The following NUMBL variants were observed in gnomAD, a reference collection of about 807,000 sequenced individuals.
NUMBL encodes the protein NUMB like endocytic adaptor protein.
Under a neutral mutation model 48.9 loss-of-function variants are expected in NUMBL, and 20 were observed. The observed-to-expected ratio is 0.41, with a 90% confidence interval of 0.29 to 0.59. NUMBL has a LOEUF of 0.59. NUMBL is among the 20% of genes least tolerant of loss of function. The probability of loss-of-function intolerance (pLI) is 0.31; values close to 1 mark genes in which losing one functional copy is unlikely to be tolerated. For missense variants in NUMBL, 660 were observed against 846.2 expected (o/e 0.78, Z 2.73); for synonymous variants, 340 against 348.7 (o/e 0.98, Z 0.28).
intron 2 of NUMBL, among the ~76,000 whole-genome samples, chr19:40,686,328 A>G (rs530135438): frequency 2.0e-4 from 30 of 151,766 alleles, no homozygotes; most frequent in Non-Finnish European, 4.0e-4. Flanking sequence ...CTAATTTTGT[A>G]TTTTTAGTAC....
chr19:40,668,372 G>A (rs191931634), intron 9 of NUMBL, among the ~76,000 whole-genome samples: 12 of 152,284 alleles, frequency 7.9e-5, no homozygotes, highest in African/African-American at 2.6e-4. Flanking sequence ...GAGCTTCTAA[G>A]GCCCTATGAT....
Position 40,677,001 on chromosome 19 carries a change from ACGAGGTTTTAC to A in NUMBL, c.730+220_730+230del, listed in dbSNP as rs1341211822. The stretch of plus-strand genomic sequence containing the variant: ...AGTTAATTTTTGTATTTTAGTAGAG[ACGAGGTTTTAC>A]CATGTCGCGCAGGCTGGTCTCAAAC... On this transcript the variant is annotated intron_variant, in intron 7 of 9. Coordinates refer to ENST00000252891, the MANE Select transcript of NUMBL (RefSeq NM_004756.5). Among the ~76,000 whole-genome samples, 3 of 152,162 alleles carry A rather than the reference ACGAGGTTTTAC, an allele frequency of 2.0e-5. No homozygotes were observed. The East Asian group carries it at 5.9e-4, about 30-fold the overall frequency.
intron 9 of NUMBL, among the ~76,000 whole-genome samples, 192 bp from the exon 10 acceptor site, chr19:40,668,330 A>T (rs1028631622): frequency 6.6e-6 from 1 of 152,116 alleles, no homozygotes; most frequent in Non-Finnish European, 1.5e-5. Flanking sequence ...GGACCACGTA[A>T]TGGTTCTGGA....
intron 1 of NUMBL, among the ~76,000 whole-genome samples, chr19:40,689,376 T>C (rs1253212368): frequency 6.6e-6 from 1 of 151,518 alleles, no homozygotes; most frequent in Non-Finnish European, 1.5e-5. Flanking sequence ...GTCACACAGA[T>C]ACTAGGGTCA....
At chr19:40,668,966 G>C (rs1209582093) in intron 9 of NUMBL, among the ~76,000 whole-genome samples, 1 of 152,164 alleles carries the variant, frequency 6.6e-6, no homozygotes, top group Non-Finnish European at 1.5e-5. Context: ...TGCACCTGTG[G>C]TTCTAGGATA....
Position 40,670,004 on chromosome 19 carries a change from A to C in NUMBL, c.1053T>G (p.Pro351=). The C allele has an allele frequency of 2.5e-6, 4 of 1,613,846 alleles. No individual in the cohort carries two copies. The South Asian group carries it at 4.4e-5, about 18-fold the overall frequency. Residue 351 remains proline (P), a synonymous_variant, in exon 9 of 10, where the codon CCT becomes CCG. Coordinates refer to ENST00000252891, the MANE Select transcript of NUMBL (RefSeq NM_004756.5). The part of the protein sequence containing the change: ...QVKGTVPEME[P]PGAGDSDSIN... ...TGCTGTCACTGTCGCCGGCACCAGG[A>C]GGCTCCATCTCAGGCACTGGGAAGC...
chr19:40,671,335 AC>A (rs143366069), intron 8 of NUMBL, among the ~76,000 whole-genome samples: 1,820 of 151,674 alleles, frequency 0.012, 34 homozygotes, highest in African/African-American at 0.041. Flanking sequence ...AGTATACCTG[AC>A]TGTGAGTTTG....
rs1440242882 is a variant in NUMBL, at chr19:40,673,803, AC to A, written c.731-155del. On this transcript the variant is annotated intron_variant, in intron 7 of 9. Transcript: ENST00000252891. This position sits in a 1 kb window ranked among gnomAD's most constrained non-coding sequence, Gnocchi z 5.9. ...TAGTCAAAGCCCTGAGATATCCCTC[AC>A]CCCCACCCAAGTCATGATCCCCTTC... 2.0e-5 allele frequency among the ~76,000 whole-genome samples: 3 copies of A among 151,440 alleles called. No homozygotes were observed. The highest frequency in any genetic ancestry group is 4.4e-5 in the Non-Finnish European group (3 of 67,872).
In NUMBL at chr19:40,688,191, A is replaced by C. The variant is rs1180063239; in HGVS notation, c.25-1196T>G. Among the ~76,000 whole-genome samples, 1 of 152,204 alleles carries C rather than the reference A, an allele frequency of 6.6e-6. No homozygotes were observed. Among genetic ancestry groups the C allele is most frequent in the Admixed American group, 6.5e-5 (1 of 15,284 alleles). On this transcript the variant is annotated intron_variant, in intron 1 of 9. Coordinates refer to ENST00000252891, the MANE Select transcript of NUMBL (RefSeq NM_004756.5). The surrounding 1 kb of genome is among the most constrained non-coding windows in gnomAD (Gnocchi z 4.6). ...TATCATGGTCATAATCCCGTCACCC[A>C]GTGTCCATACACAGCTGTACCATGT...
chr19:40,685,424 GA>G (rs1485537479), intron 2 of NUMBL: 1 of 154,018 alleles, frequency 6.5e-6, no homozygotes, highest in Non-Finnish European at 1.5e-5. Flanking sequence ...AGGCTGTCTG[GA>G]AGAACGCATG....
chr19:40,675,189 C>T (rs1318677407), intron 7 of NUMBL, among the ~76,000 whole-genome samples: 2 of 135,902 alleles, frequency 1.5e-5, no homozygotes, highest in Non-Finnish European at 3.1e-5. Flanking sequence ...GACGTGGTGG[C>T]GGGCACCTGT....
At position 40,667,612 on chromosome 19, in the gene NUMBL, C is replaced by G. The variant is rs572713701; in HGVS notation, c.1686G>C (p.Trp562Cys). The G allele has an allele frequency of 6.4e-7, 1 of 1,554,256 alleles. No individual in the cohort carries two copies. Among genetic ancestry groups the G allele is most frequent in the South Asian group, 1.2e-5 (1 of 84,450 alleles). The change falls in exon 10 of 10, where the codon TGG (tryptophan) becomes TGC (cysteine). Residue 562 changes from tryptophan (W) to cysteine (C), a missense_variant. Physicochemically the swap from Trp to Cys is radical, Grantham distance 215 (BLOSUM62 -2). This residue lies in a region of NUMBL where 296 missense variants were observed against 339.7 expected (regional missense o/e 0.87). Coordinates refer to ENST00000252891, the MANE Select transcript of NUMBL (RefSeq NM_004756.5). The surrounding 1 kb of genome is among the most constrained non-coding windows in gnomAD (Gnocchi z 6.1). ...QARPRPNGAP[W>C]PPEPAPAPAP... is the part of the protein sequence containing the mutation. ...CTGGGGCAGGCGCTGGCTCAGGGGG[C>G]CAGGGGGCCCCATTGGGGCGAGGGC...
In NUMBL at chr19:40,667,999, TTGCTGC is replaced by T. The variant is rs762874826; in HGVS notation, c.1293_1298del (p.Gln445_Gln446del). The T allele has an allele frequency of 6.0e-5, 32 of 534,556 alleles. No individual in the cohort carries two copies. The African/African-American group carries it at 1.1e-3, about 18-fold the overall frequency. The allele number at this position is 534,556 out of a possible 1,614,324, so 33.1% of individuals were successfully genotyped here. A position where few individuals can be genotyped will look rare whatever the true frequency, so the allele number is the denominator to read the frequency against. Reference sequence around the variant, plus strand: ...GCTGCTGCTGCTGCTGCTGTTGCTGTTGCTGCTGCTGCTGCTGCTGGGCCTTGGCCA... The same window carrying T: ...GCTGCTGCTGCTGCTGCTGTTGCTGTTGCTGCTGCTGCTGGGCCTTGGCCA... On this transcript the variant is annotated inframe_deletion, in exon 10 of 10. Transcript: ENST00000252891. The surrounding 1 kb of genome is among the most constrained non-coding windows in gnomAD (Gnocchi z 6.1).
rs1466918422 is a variant in NUMBL at position 40,688,616 on chromosome 19, A to G, written c.25-1621T>C. Among the ~76,000 whole-genome samples, 2 of 152,200 alleles carry G rather than the reference A, an allele frequency of 1.3e-5. No homozygotes were observed. The highest frequency in any genetic ancestry group is 3.8e-4 in the East Asian group (2 of 5,198). On this transcript the variant is annotated intron_variant, in intron 1 of 9. Coordinates refer to ENST00000252891, the MANE Select transcript of NUMBL (RefSeq NM_004756.5). The surrounding 1 kb of genome is among the most constrained non-coding windows in gnomAD (Gnocchi z 4.6). ...ACCCCACACTCTCACAGATGATGAC[A>G]TAGACACAGACATCTATAGTCACCC... is the stretch of plus-strand genomic sequence containing the variant.
At position 40,677,268 on chromosome 19, in the gene NUMBL, G is replaced by T. The variant is rs968366015; in HGVS notation, c.694C>A (p.Arg232=). 1.9e-6 allele frequency: 3 copies of T among 1,591,632 alleles called. No individual in the cohort carries two copies. The East Asian group carries it at 6.8e-5, about 36-fold the overall frequency. The change falls in exon 7 of 10, where the codon CGG becomes AGG. Residue 232 remains arginine, a synonymous_variant. Coordinates refer to ENST00000252891, the MANE Select transcript of NUMBL (RefSeq NM_004756.5). ...EGSFRLSGGG[R]PAEREAPDKK... ...TCCGGGGCCTCTCGCTCAGCAGGCCGCCCACCCCCAGACAGGCGGAAGGAG... is the reference window on the plus strand; with the variant it reads ...TCCGGGGCCTCTCGCTCAGCAGGCCTCCCACCCCCAGACAGGCGGAAGGAG...
At chr19:40,674,891 C>A (rs1402959316) in intron 7 of NUMBL, among the ~76,000 whole-genome samples, 5 of 152,126 alleles carry the variant, frequency 3.3e-5, no homozygotes, top group Non-Finnish European at 7.4e-5. Context: ...GTAATCCCAG[C>A]ACTTTGAGAG....
intron 9 of NUMBL, among the ~76,000 whole-genome samples, chr19:40,669,226 G>A (rs193010602): frequency 4.4e-4 from 67 of 152,208 alleles, no homozygotes; most frequent in African/African-American, 1.5e-3. Context: ...GATGATCTGT[G>A]TTTCTAAGGT....
At chr19:40,668,543 C>G (rs2081829233) in intron 9 of NUMBL, among the ~76,000 whole-genome samples, 1 of 152,178 alleles carries the variant, frequency 6.6e-6, no homozygotes, top group South Asian at 2.1e-4. Flanking sequence ...ACTGCAACCT[C>G]TGCCTCCCAG....
Position 40,667,999 on chromosome 19 carries a change from T to C in NUMBL, c.1299A>G (p.Gln433=), listed in dbSNP as rs79658769. 2.1e-3 allele frequency: 1,129 copies of C among 534,574 alleles called. 20 individuals are homozygous for C. In the African/African-American group the frequency reaches 0.054, roughly 26 times the overall value. 33.1% of individuals were successfully genotyped at this position (534,574 alleles called of 1,614,324 possible). ...VAKAQQQQQQ[Q]QQQQQQQQQQ... ...GCTGCTGCTGCTGCTGCTGTTGCTGTTGCTGCTGCTGCTGCTGCTGGGCCT... is the reference window on the plus strand; with the variant it reads ...GCTGCTGCTGCTGCTGCTGTTGCTGCTGCTGCTGCTGCTGCTGCTGGGCCT... Residue 433 remains glutamine (Q), a synonymous_variant, in exon 10 of 10, where the codon CAA becomes CAG. Transcript: ENST00000252891. This position sits in a 1 kb window ranked among gnomAD's most constrained non-coding sequence, Gnocchi z 6.1.
Sources: gnomAD v4.1 joint callset for allele counts (sites outside exome capture counted in the v4.1 genomes callset) on GRCh38, gnomAD v4.1.1 for gene constraint, gnomAD v4.1.1 regional missense constraint, Gnocchi (gnomAD v3.1) non-coding constraint, MANE v1.5 for transcripts, NCBI Gene and HGNC (gene_info 2026-07-23, HGNC 2026-07-21) for gene names.